EPHA6: variants seen among roughly 807,000 people sequenced by gnomAD.
EPHA6 encodes EPH receptor A6, also known as ephrin type-A receptor 6.
In EPHA6, 50 loss-of-function variants were observed where a neutral mutation model predicts 112.0. That is an observed-to-expected ratio of 0.45 (90% CI 0.36 to 0.56). The LOEUF (loss-of-function observed/expected upper bound fraction) is 0.56, where lower values mean the gene tolerates loss of function less well. Among genes scored for constraint, EPHA6 ranks in the 20% least tolerant of loss-of-function variants. The pLI is 0.00. For missense variants in EPHA6, 1,280 were observed against 1,417.4 expected (o/e 0.90, Z 1.56); for synonymous variants, 529 against 490.7 (o/e 1.08, Z -1.03).
intron 4 of EPHA6, among the ~76,000 whole-genome samples, chr3:97,238,160 G>T (rs1187902206): frequency 1.3e-5 from 2 of 152,060 alleles, no homozygotes; most frequent in Admixed American, 6.6e-5. Flanking sequence ...CAAGTGTCTA[G>T]AGAACTGTAT....
chr3:97,618,269 G>A (rs1466218029), intron 13 of EPHA6, among the ~76,000 whole-genome samples: 2 of 152,032 alleles, frequency 1.3e-5, no homozygotes, highest in East Asian at 1.9e-4. Flanking sequence ...CTGGGATACA[G>A]CCAAGGCAAT....
intron 2 of EPHA6, among the ~76,000 whole-genome samples, chr3:96,915,256 C>G (rs1208488932): frequency 6.6e-6 from 1 of 151,826 alleles, no homozygotes; most frequent in East Asian, 1.9e-4. Context: ...TTAAGTTGTG[C>G]ATTTCTTTAT....
intron 11 of EPHA6, among the ~76,000 whole-genome samples, chr3:97,577,094 G>A (rs2093394236): frequency 6.6e-6 from 1 of 152,080 alleles, no homozygotes; most frequent in Admixed American, 6.5e-5. Flanking sequence ...ATGGCCTACT[G>A]CAGACTCTGG....
intron 2 of EPHA6, among the ~76,000 whole-genome samples, chr3:96,901,755 CA>C (rs2038625581): frequency 6.6e-6 from 1 of 152,004 alleles, no homozygotes; most frequent in African/African-American, 2.4e-5. Context: ...CAAGACCCTG[CA>C]AGTATAATTA....
chr3:97,301,629 T>C (rs2081094552), intron 5 of EPHA6, among the ~76,000 whole-genome samples: 1 of 152,148 alleles, frequency 6.6e-6, no homozygotes, highest in Non-Finnish European at 1.5e-5. Flanking sequence ...CTGTTAGCCA[T>C]TTGATCCAGT....
rs959061506 is a variant in EPHA6, at chr3:97,550,550, G to A, written c.2386+18007G>A. Among the ~76,000 whole-genome samples, 9 of 152,252 alleles carry A rather than the reference G, an allele frequency of 5.9e-5. No homozygotes were observed. In the East Asian group the frequency reaches 1.7e-3, roughly 29 times the overall value. On this transcript the variant is annotated intron_variant, in intron 11 of 17. Transcript: ENST00000389672. Reference sequence around the variant, plus strand: ...ATGACCTGAGAAGGATCTTTGTTCAGGCTATTGCAGCAACCAAGGAAAACA... The same window carrying A: ...ATGACCTGAGAAGGATCTTTGTTCAAGCTATTGCAGCAACCAAGGAAAACA...
chr3:97,529,408 A>G (rs2092669918), intron 10 of EPHA6, among the ~76,000 whole-genome samples: 1 of 152,078 alleles, frequency 6.6e-6, no homozygotes, highest in Non-Finnish European at 1.5e-5. Context: ...TACCTTTGTA[A>G]TGATGATTAC....
intron 13 of EPHA6, among the ~76,000 whole-genome samples, chr3:97,634,427 C>T (rs1426561759): frequency 2.0e-5 from 3 of 151,046 alleles, no homozygotes; most frequent in Non-Finnish European, 2.9e-5. Flanking sequence ...CCAATTGGAT[C>T]GTGGATAAAT....
At chr3:97,274,285 G>T (rs1365574502) in intron 5 of EPHA6, among the ~76,000 whole-genome samples, 3 of 152,146 alleles carry the variant, frequency 2.0e-5, no homozygotes, top group African/African-American at 4.8e-5. Context: ...AGAAAAACTG[G>T]CCATGAGGGA....
intron 2 of EPHA6, among the ~76,000 whole-genome samples, chr3:96,973,879 A>T (rs2042413132): frequency 6.8e-6 from 1 of 146,260 alleles, no homozygotes; most frequent in Non-Finnish European, 1.5e-5. Context: ...ATAATATGAT[A>T]GATTCTGTAT....
At chr3:97,098,368 AAATTT>A (rs2047306770) in intron 3 of EPHA6, among the ~76,000 whole-genome samples, 2 of 152,042 alleles carry the variant, frequency 1.3e-5, no homozygotes, top group South Asian at 4.1e-4. Context: ...TAATAAACTT[AAATTT>A]AATTTAACTT....
intron 14 of EPHA6, among the ~76,000 whole-genome samples, chr3:97,714,954 A>T (rs2034147195): frequency 6.6e-6 from 1 of 152,246 alleles, no homozygotes; most frequent in Non-Finnish European, 1.5e-5. Flanking sequence ...AGAGTTAAAA[A>T]ATAAAAAGAA....
At chr3:97,562,996 C>CACTT (rs1354959871) in intron 11 of EPHA6, among the ~76,000 whole-genome samples, 17 of 152,190 alleles carry the variant, frequency 1.1e-4, no homozygotes, top group African/African-American at 3.4e-4. Context: ...TGCTGTTGCA[C>CACTT]ACTTAATAAA....
At chr3:97,536,225 A>T (rs1314533288) in intron 11 of EPHA6, among the ~76,000 whole-genome samples, 1 of 152,176 alleles carries the variant, frequency 6.6e-6, no homozygotes, top group Non-Finnish European at 1.5e-5. Flanking sequence ...CTATATAACC[A>T]ACAGAGAAAG....
intron 3 of EPHA6, among the ~76,000 whole-genome samples, chr3:97,202,360 T>C (rs1221834699): frequency 2.6e-5 from 4 of 151,904 alleles, no homozygotes; most frequent in African/African-American, 9.7e-5. Context: ...ATCTTTTTTT[T>C]TTTTTTGAGA....
At chr3:97,369,744 T>C (rs978623789) in intron 5 of EPHA6, among the ~76,000 whole-genome samples, 4 of 152,320 alleles carry the variant, frequency 2.6e-5, no homozygotes, top group African/African-American at 9.6e-5. Context: ...AACATTTATA[T>C]ACTGATAATC....
intron 3 of EPHA6, among the ~76,000 whole-genome samples, chr3:97,173,118 G>T (rs764384448): frequency 3.3e-5 from 5 of 151,786 alleles, no homozygotes; most frequent in Admixed American, 6.6e-5. Context: ...TAGATGTTTT[G>T]ACTGGATCTC....
intron 14 of EPHA6, among the ~76,000 whole-genome samples, chr3:97,716,923 C>T (rs1338282927): frequency 6.6e-6 from 1 of 151,922 alleles, no homozygotes; most frequent in Non-Finnish European, 1.5e-5. Flanking sequence ...CATTTAAAGA[C>T]AGCAGTTGTT....
intron 13 of EPHA6, among the ~76,000 whole-genome samples, chr3:97,614,001 T>C (rs1213058043): frequency 3.9e-5 from 6 of 152,188 alleles, no homozygotes; most frequent in Non-Finnish European, 4.4e-5. Context: ...CTCTAAATTT[T>C]AGAAATTCCC....
Sources: allele counts gnomAD v4.1 joint callset (sites outside exome capture counted in the v4.1 genomes callset), GRCh38; gene constraint gnomAD v4.1.1; transcripts MANE v1.5; gene names NCBI Gene and HGNC (gene_info 2026-07-23, HGNC 2026-07-21).